Variants in CACNA2D4 observed in about 807,000 individuals in gnomAD.
The protein encoded by CACNA2D4 is calcium voltage-gated channel auxiliary subunit alpha2delta 4, also known as voltage-dependent calcium channel subunit alpha-2/delta-4.
CACNA2D4 carries 157 observed loss-of-function variants against 163.8 expected under a neutral mutation model. That is an observed-to-expected ratio of 0.96 (90% confidence interval 0.84 to 1.09). The LOEUF is 1.09. CACNA2D4 is among the 50% of genes least tolerant of loss of function. The pLI is 0.00. For missense variants in CACNA2D4, 1,410 were observed against 1,479.9 expected (o/e 0.95, Z 0.78); for synonymous variants, 598 against 586.9 (o/e 1.02, Z -0.27).
intron 26 of CACNA2D4, among the ~76,000 whole-genome samples, chr12:1,839,046 C>T (rs1028003007): frequency 2.6e-5 from 4 of 152,332 alleles, no homozygotes; most frequent in East Asian, 3.9e-4. Context: ...CTCCCCCCGT[C>T]GCTTATCCCA....
rs1412429243 is a variant in CACNA2D4, at chr12:1,883,795, G to T, written c.1351+448C>A. ...GTTTTACTTGTATGTCTCCCTGCTG[G>T]ACAATACTGAGAGGTAGACCGACCC... is the stretch of plus-strand genomic sequence containing the variant. On this transcript the variant is annotated intron_variant, in intron 12 of 37. Coordinates refer to ENST00000382722, the MANE Select transcript of CACNA2D4 (RefSeq NM_172364.5). The surrounding 1 kb of genome is among the most constrained non-coding windows in gnomAD (Gnocchi z 4.5). Among the ~76,000 whole-genome samples, 1 of 152,158 alleles carries T rather than the reference G, an allele frequency of 6.6e-6. No homozygotes were observed. Among genetic ancestry groups the T allele is most frequent in the Non-Finnish European group, 1.5e-5 (1 of 68,040 alleles).
At chr12:1,873,992 T>TG (rs1247811653) in intron 18 of CACNA2D4, among the ~76,000 whole-genome samples, 1 of 151,510 alleles carries the variant, frequency 6.6e-6, no homozygotes, top group Non-Finnish European at 1.5e-5. Context: ...GAGGAGGAGG[T>TG]GGGGGTGGCT....
At chr12:1,851,679 G>GTT (rs71057803) in intron 23 of CACNA2D4, among the ~76,000 whole-genome samples, 1 of 63,522 alleles carries the variant, frequency 1.6e-5, no homozygotes, top group Non-Finnish European at 3.3e-5. Flanking sequence ...GTGTGTGTGC[G>GTT]TTTTTTTTTT....
Position 1,856,190 on chromosome 12 carries a change from C to A in CACNA2D4, c.2048G>T (p.Gly683Val), listed in dbSNP as rs757399477. The change falls in exon 21 of 38, where the codon GGT (glycine) becomes GTT (valine). Residue 683 changes from glycine to valine, a missense_variant. Physicochemically the swap from Gly to Val is moderately radical, Grantham distance 109 (BLOSUM62 -3). Transcript: ENST00000382722. ...TTTTTTACTCCTCACTTACCAGTCA[C>A]CGGCCAGGGCCAGGTCTGGGTGAAG... ...DLLHPDLALA[G>V]DWIYCITDID... 3 of 1,614,048 alleles carry A rather than the reference C, an allele frequency of 1.9e-6. No homozygotes were observed. The highest frequency in any genetic ancestry group is 2.2e-5 in the East Asian group (1 of 44,892).
rs984163964 is a variant in CACNA2D4, at chr12:1,798,934, C to A, written c.2995+741G>T. Among the ~76,000 whole-genome samples, 1 of 152,072 alleles carries A rather than the reference C, an allele frequency of 6.6e-6. No individual in the cohort carries two copies. The highest frequency in any genetic ancestry group is 1.5e-5 in the Non-Finnish European group (1 of 68,016). On this transcript the variant is annotated intron_variant, in intron 34 of 37. Coordinates refer to ENST00000382722, the MANE Select transcript of CACNA2D4 (RefSeq NM_172364.5). This position sits in a 1 kb window ranked among gnomAD's most constrained non-coding sequence, Gnocchi z 4.3. ...CCCTGAGCCCAGGGGCAGAGGAAGC[C>A]CCAAGCCAAGGCCAGCAGAAGAGAA...
chr12:1,844,105 C>T lies in CACNA2D4; in HGVS notation c.2470+297G>A, dbSNP rs990118749. Among the ~76,000 whole-genome samples, 1 of 152,202 alleles carries T rather than the reference C, an allele frequency of 6.6e-6. No homozygotes were observed. Among genetic ancestry groups the T allele is most frequent in the African/African-American group, 2.4e-5 (1 of 41,446 alleles). On this transcript the variant is annotated intron_variant, in intron 25 of 37. Transcript: ENST00000382722. This position sits in a 1 kb window ranked among gnomAD's most constrained non-coding sequence, Gnocchi z 4.2. ...TCTTAGAGATGGACTCTTCTGATCTCATATTTGGAATTGGGGCTAGAATCC... is the reference window on the plus strand; with the variant it reads ...TCTTAGAGATGGACTCTTCTGATCTTATATTTGGAATTGGGGCTAGAATCC...
chr12:1,856,017 A>C lies in CACNA2D4; in HGVS notation c.2147T>G (p.Leu716Arg). ...IRFLTRKDPD[L>R]ECDEELVREV... The stretch of plus-strand genomic sequence containing the variant: ...AGTGGGCGGCCAGCACTCACACTCC[A>C]GGTCTGGGTCCTTCCTGGTGAGGAA... The change falls in exon 22 of 38, where the codon CTG becomes CGG. Residue 716 changes from leucine to arginine, a missense_variant. Transcript: ENST00000382722. 1 of 1,613,368 alleles carries C rather than the reference A, an allele frequency of 6.2e-7. No individual in the cohort carries two copies. The highest frequency in any genetic ancestry group is 1.3e-5 in the African/African-American group (1 of 75,052).
At chr12:1,811,306 A>G (rs1034091353) in intron 27 of CACNA2D4, among the ~76,000 whole-genome samples, 11 of 152,230 alleles carry the variant, frequency 7.2e-5, no homozygotes, top group African/African-American at 2.7e-4. Context: ...ATTCTCAGCC[A>G]GAAGCCGCTG....
At chr12:1,841,240 G>T (rs1362688989) in intron 25 of CACNA2D4, among the ~76,000 whole-genome samples, 1 of 152,194 alleles carries the variant, frequency 6.6e-6, no homozygotes, top group Non-Finnish European at 1.5e-5. Context: ...CAGGGAGGAC[G>T]CCGACAGTCA....
intron 5 of CACNA2D4, 129 bp from the exon 6 acceptor site, chr12:1,907,700 G>T: frequency 8.4e-7 from 1 of 1,191,732 alleles, no homozygotes; most frequent in Non-Finnish European, 1.2e-6. Flanking sequence ...GGGTGTGCCT[G>T]GTGGGCGTGT....
At chr12:1,893,906 T>C (rs1866343759) in intron 6 of CACNA2D4, among the ~76,000 whole-genome samples, 1 of 151,948 alleles carries the variant, frequency 6.6e-6, no homozygotes, top group African/African-American at 2.4e-5. Flanking sequence ...TAAGAAATAC[T>C]GGAACAGAAA....
At position 1,799,119 on chromosome 12, in the gene CACNA2D4, A is replaced by C. The variant is rs1208596671; in HGVS notation, c.2995+556T>G. On this transcript the variant is annotated intron_variant, in intron 34 of 37. Coordinates refer to ENST00000382722, the MANE Select transcript of CACNA2D4 (RefSeq NM_172364.5). This position sits in a 1 kb window ranked among gnomAD's most constrained non-coding sequence, Gnocchi z 4.7. ...TGAGGCAAGATGGCCTCCTGCAGTCATGGAGGGCCCAGGCGCCCGGGCAGT... is the reference window on the plus strand; with the variant it reads ...TGAGGCAAGATGGCCTCCTGCAGTCCTGGAGGGCCCAGGCGCCCGGGCAGT... 3.9e-5 allele frequency among the ~76,000 whole-genome samples: 6 copies of C among 152,204 alleles called. No homozygotes were observed. Among genetic ancestry groups the C allele is most frequent in the Non-Finnish European group, 8.8e-5 (6 of 68,036 alleles).
chr12:1,797,315 T>C, intron 35 of CACNA2D4, 103 bp downstream of exon 35: 1 of 840,268 alleles, frequency 1.2e-6, no homozygotes, highest in Non-Finnish European at 1.9e-6. Flanking sequence ...TCCTCCCGGC[T>C]GTGGAGCCGT....
chr12:1,851,674 T>C (rs201301588), intron 23 of CACNA2D4, among the ~76,000 whole-genome samples: 3 of 69,840 alleles, frequency 4.3e-5, no homozygotes, highest in African/African-American at 1.5e-4. Flanking sequence ...TGTGTGTGTG[T>C]GTGCGTTTTT....
At position 1,818,004 on chromosome 12, in the gene CACNA2D4, C is replaced by T. The variant is rs1238043806; in HGVS notation, c.2552-6281G>A. ...TGCCCAGTCTGGGAAGTGAGGAGCG[C>T]CTCTGCCCGGCCGCCATCCCATCTA... On this transcript the variant is annotated intron_variant, in intron 26 of 37. Coordinates refer to ENST00000382722, the MANE Select transcript of CACNA2D4 (RefSeq NM_172364.5). Among the ~76,000 whole-genome samples the T allele has an allele frequency of 5.4e-4, 82 of 150,892 alleles. 3 individuals are homozygous for T. The East Asian group carries it at 8.0e-3, about 15-fold the overall frequency.
chr12:1,889,581 C>A (rs1475013358), intron 6 of CACNA2D4, among the ~76,000 whole-genome samples: 1 of 98,730 alleles, frequency 1.0e-5, no homozygotes, highest in African/African-American at 7.7e-5. Flanking sequence ...GCCTCAGCCG[C>A]CCCCCCCAGT....
intron 13 of CACNA2D4, 143 bp from the exon 14 acceptor site, chr12:1,880,024 A>C: frequency 3.5e-6 from 2 of 579,574 alleles, no homozygotes; most frequent in East Asian, 3.0e-5. Flanking sequence ...GGAAATCCCA[A>C]ATGAGGATTC....
At chr12:1,830,417 G>A (rs1864569543) in intron 26 of CACNA2D4, among the ~76,000 whole-genome samples, 1 of 152,250 alleles carries the variant, frequency 6.6e-6, no homozygotes. Context: ...CTCCAGAGTT[G>A]GGGTGGGCCA....
intron 2 of CACNA2D4, among the ~76,000 whole-genome samples, chr12:1,913,458 G>C (rs1054887213): frequency 2.0e-5 from 3 of 152,228 alleles, no homozygotes; most frequent in Non-Finnish European, 2.9e-5. Context: ...GGTGACCCCT[G>C]ATGGGGCCAG....
Sources: gnomAD v4.1 joint callset for allele counts (sites outside exome capture counted in the v4.1 genomes callset) on GRCh38, gnomAD v4.1.1 for gene constraint, Gnocchi (gnomAD v3.1) non-coding constraint, MANE v1.5 for transcripts, NCBI Gene and HGNC (gene_info 2026-07-23, HGNC 2026-07-21) for gene names.